The following CYRIB variants were observed in gnomAD, a reference collection of about 807,000 sequenced individuals.
CYRIB encodes CYFIP-related Rac1 interactor B.
CYRIB carries 8 observed loss-of-function variants against 44.2 expected under a neutral mutation model. The observed-to-expected ratio is 0.18, with a 90% CI of 0.11 to 0.33. The LOEUF is 0.33. CYRIB is among the 10% of genes least tolerant of loss of function. CYRIB has a pLI of 1.00. For synonymous variants in CYRIB, 131 were observed against 127.2 expected (o/e 1.03, Z -0.20); for missense variants, 185 against 382.8 (o/e 0.48, Z 4.31).
At chr8:129,851,137 T>A (rs2043033133) in intron 8 of CYRIB, 1 of 507,540 alleles carries the variant, frequency 2.0e-6, no homozygotes, top group East Asian at 3.5e-5. Context: ...GGCACCTGCA[T>A]TCCAGCAATG....
At chr8:129,999,397 C>G (rs1419922508) in intron 1 of CYRIB, among the ~76,000 whole-genome samples, 2 of 152,236 alleles carry the variant, frequency 1.3e-5, no homozygotes, top group African/African-American at 4.8e-5. Context: ...CCCAGGAACA[C>G]AGAGTGAGCA....
chr8:129,886,926 CTT>C (rs1244152067), intron 2 of CYRIB, among the ~76,000 whole-genome samples: 1 of 152,194 alleles, frequency 6.6e-6, no homozygotes, highest in Admixed American at 6.5e-5. Context: ...GCAAAGCACT[CTT>C]TTAAACATAT....
At chr8:129,994,553 G>A (rs2096725139) in intron 1 of CYRIB, among the ~76,000 whole-genome samples, 1 of 152,158 alleles carries the variant, frequency 6.6e-6, no homozygotes, top group East Asian at 1.9e-4. Flanking sequence ...GCATCAGGCT[G>A]GGGGGCCATC....
chr8:129,927,658 G>C (rs1779571294), intron 1 of CYRIB, among the ~76,000 whole-genome samples: 1 of 152,102 alleles, frequency 6.6e-6, no homozygotes, highest in Non-Finnish European at 1.5e-5. Flanking sequence ...CGACTACCTA[G>C]GTGGTGATTT....
intron 1 of CYRIB, among the ~76,000 whole-genome samples, chr8:129,907,002 G>A (rs2075755491): frequency 6.6e-6 from 1 of 152,150 alleles, no homozygotes; most frequent in African/African-American, 2.4e-5. Context: ...ACTGTTGGTG[G>A]GACTGTAAAC....
chr8:129,961,366 G>C (rs1362422160), intron 2 of CYRIB, among the ~76,000 whole-genome samples: 1 of 152,168 alleles, frequency 6.6e-6, no homozygotes, highest in Non-Finnish European at 1.5e-5. Context: ...GCCCTGGGAG[G>C]ATGAGAACAG....
intron 1 of CYRIB, among the ~76,000 whole-genome samples, chr8:130,012,746 T>C (rs1488667084): frequency 6.6e-6 from 1 of 152,086 alleles, no homozygotes; most frequent in Non-Finnish European, 1.5e-5. Context: ...TCACTGCCTC[T>C]AGAAAGAGAA....
intron 2 of CYRIB, among the ~76,000 whole-genome samples, chr8:129,954,593 A>C (rs531209375): frequency 1.3e-5 from 2 of 152,264 alleles, no homozygotes; most frequent in South Asian, 4.1e-4. Context: ...GAAATGAACT[A>C]ATTTTAGAAA....
intron 5 of CYRIB, among the ~76,000 whole-genome samples, chr8:129,861,357 A>T (rs2049423732): frequency 6.6e-6 from 1 of 152,230 alleles, no homozygotes; most frequent in Non-Finnish European, 1.5e-5. Flanking sequence ...ATTTTTCCCA[A>T]GCAAGGGAAA....
intron 4 of CYRIB, among the ~76,000 whole-genome samples, chr8:129,863,058 TTC>T (rs1414272955): frequency 4.6e-5 from 7 of 152,198 alleles, no homozygotes; most frequent in African/African-American, 9.7e-5. Context: ...CTCTTAGTAT[TTC>T]TTTGTCAAAG....
intron 2 of CYRIB, among the ~76,000 whole-genome samples, chr8:129,889,729 T>A (rs563151368): frequency 1.3e-5 from 2 of 152,138 alleles, no homozygotes; most frequent in Admixed American, 6.5e-5. Context: ...ATAGCTGCAA[T>A]CTTATGATAA....
intron 1 of CYRIB, among the ~76,000 whole-genome samples, chr8:130,011,472 G>C (rs1035224580): frequency 1.1e-4 from 17 of 151,594 alleles, no homozygotes; most frequent in African/African-American, 3.9e-4. Context: ...GGTGAGCTGA[G>C]ATCATGCCAT....
intron 2 of CYRIB, among the ~76,000 whole-genome samples, chr8:129,881,833 CTTAA>C (rs1432751719): frequency 2.6e-5 from 4 of 152,102 alleles, no homozygotes; most frequent in Admixed American, 2.6e-4. Flanking sequence ...AATATTTTGA[CTTAA>C]TTACTGTATA....
At chr8:129,885,086 T>C (rs1029159150) in intron 2 of CYRIB, among the ~76,000 whole-genome samples, 1 of 152,242 alleles carries the variant, frequency 6.6e-6, no homozygotes, top group Non-Finnish European at 1.5e-5. Context: ...ATATTTCCTC[T>C]ATCTTTCTAG....
intron 4 of CYRIB, among the ~76,000 whole-genome samples, chr8:129,866,242 T>A (rs1342287796): frequency 6.6e-6 from 1 of 152,230 alleles, no homozygotes; most frequent in Non-Finnish European, 1.5e-5. Context: ...GCATTGCATT[T>A]GTTTTTATCA....
intron 7 of CYRIB, 98 bp downstream of exon 9, chr8:129,854,168 G>T: frequency 1.0e-6 from 1 of 956,072 alleles, no homozygotes; most frequent in Non-Finnish European, 1.6e-6. Flanking sequence ...TTTATTACTA[G>T]CTTTAACACT....
chr8:129,997,685 A>C (rs2096805519), intron 1 of CYRIB, among the ~76,000 whole-genome samples: 1 of 152,154 alleles, frequency 6.6e-6, no homozygotes, highest in South Asian at 2.1e-4. Context: ...GATGCAGCTA[A>C]TGTGGGTTCC....
At chr8:129,887,167 A>G (rs1298188493) in intron 2 of CYRIB, among the ~76,000 whole-genome samples, 2 of 152,142 alleles carry the variant, frequency 1.3e-5, no homozygotes, top group Admixed American at 1.3e-4. Flanking sequence ...TTCACAGGCC[A>G]GGCCCAGGGC....
intron 2 of CYRIB, among the ~76,000 whole-genome samples, chr8:129,884,701 G>A (rs1360428306): frequency 2.0e-5 from 3 of 152,206 alleles, no homozygotes; most frequent in Non-Finnish European, 4.4e-5. Flanking sequence ...GAAGGGAAAA[G>A]CTAAAGAATC....
Sources: allele counts gnomAD v4.1 joint callset (sites outside exome capture counted in the v4.1 genomes callset), GRCh38; gene constraint gnomAD v4.1.1; transcripts MANE v1.5; gene names NCBI Gene and HGNC (gene_info 2026-07-23, HGNC 2026-07-21).